The following BACH1 variants were observed in gnomAD, a reference collection of about 807,000 sequenced individuals.
BACH1 encodes BTB domain and CNC homolog 1.
Under a neutral mutation model 52.9 loss-of-function variants are expected in BACH1, and 35 were observed. The observed-to-expected ratio is 0.66, with a 90% confidence interval of 0.51 to 0.88. The LOEUF (loss-of-function observed/expected upper bound fraction) is 0.88. Among genes scored for constraint, BACH1 ranks in the 40% least tolerant of loss-of-function variants. The probability of loss-of-function intolerance (pLI) is 0.00; values close to 1 mark genes in which losing one functional copy is unlikely to be tolerated. For synonymous variants in BACH1, 321 were observed against 319.6 expected (o/e 1.00, Z -0.05); for missense variants, 808 against 872.6 (o/e 0.93, Z 0.93).
At chr21:29,334,150 G>A (rs529738355) in intron 4 of BACH1, among the ~76,000 whole-genome samples, 106 of 151,240 alleles carry the variant, frequency 7.0e-4, no homozygotes, top group Admixed American at 9.2e-4. Context: ...TTTTCGCCCA[G>A]GCTGGAGGTC....
intron 2 of BACH1, among the ~76,000 whole-genome samples, chr21:29,323,020 T>C (rs2088866822): frequency 1.4e-5 from 1 of 72,186 alleles, no homozygotes; most frequent in African/African-American, 1.1e-4. Flanking sequence ...CATTCATTCA[T>C]TCTTTCTAAT....
At chr21:29,328,929 C>T (rs764677466) in intron 3 of BACH1, among the ~76,000 whole-genome samples, 8 of 152,166 alleles carry the variant, frequency 5.3e-5, no homozygotes, top group Non-Finnish European at 8.8e-5. Flanking sequence ...ATATACACCA[C>T]GTTTTCTTTA....
At chr21:29,338,016 C>T (rs961495395) in intron 4 of BACH1, among the ~76,000 whole-genome samples, 2 of 152,054 alleles carry the variant, frequency 1.3e-5, no homozygotes, top group African/African-American at 4.8e-5. Flanking sequence ...ACATATGTAA[C>T]AAACCTGCAC....
intron 1 of BACH1, among the ~76,000 whole-genome samples, chr21:29,309,856 C>T (rs1423589892): frequency 3.9e-5 from 6 of 152,050 alleles, no homozygotes; most frequent in Admixed American, 3.9e-4. Flanking sequence ...GTGTTTAACA[C>T]TTCATATTTT....
chr21:29,326,030 G>A lies in BACH1; in HGVS notation c.235-29G>A, dbSNP rs1293686929. 4.5e-6 allele frequency: 7 copies of A among 1,561,546 alleles called. No homozygotes were observed. The South Asian group carries it at 7.3e-5, about 16-fold the overall frequency. On this transcript the variant is annotated intron_variant, in intron 2 of 4. Transcript: ENST00000286800. The stretch of plus-strand genomic sequence containing the variant: ...ATGTACTAGACAGCTTTCAAATGAT[G>A]TGTTTGTTTTTATTTTGTGTATCAA...
intron 2 of BACH1, chr21:29,352,535 A>G (rs1376836564): frequency 1.3e-5 from 2 of 151,952 alleles, no homozygotes; most frequent in African/African-American, 2.4e-5. Context: ...ATTCAAATCA[A>G]TTCACCGCAT....
At chr21:29,357,984 G>A (rs1301270372) in intron 2 of BACH1, among the ~76,000 whole-genome samples, 2 of 152,208 alleles carry the variant, frequency 1.3e-5, no homozygotes, top group East Asian at 1.9e-4. Context: ...GTCCCCACAC[G>A]CCCTGAGAGC....
At chr21:29,348,123 T>C (rs1007907713), downstream of BACH1, among the ~76,000 whole-genome samples, 1 of 152,186 alleles carries the variant, frequency 6.6e-6, no homozygotes, top group African/African-American at 2.4e-5. Context: ...CCCAAGACTA[T>C]CCTGCCAGAT....
chr21:29,316,283 C>T (rs1045023071), intron 1 of BACH1, among the ~76,000 whole-genome samples: 7 of 152,052 alleles, frequency 4.6e-5, no homozygotes, highest in Non-Finnish European at 1.0e-4. Context: ...CAAGTAGTAA[C>T]TATATCAAAA....
In BACH1 at chr21:29,329,522, A is replaced by C; in HGVS notation, c.1605A>C (p.Ser535=). The C allele has an allele frequency of 6.3e-7, 1 of 1,597,468 alleles. No homozygotes were observed. Among genetic ancestry groups the C allele is most frequent in the East Asian group, 2.2e-5 (1 of 44,542 alleles). ...KLPFNAQRII[S]LSRNDFQSLL... Reference sequence around the variant, plus strand: ...CATTCAATGCACAACGGATAATTTCACTGTCTCGAAATGATTTTCAGTCCT... The same window carrying C: ...CATTCAATGCACAACGGATAATTTCCCTGTCTCGAAATGATTTTCAGTCCT... Residue 535 remains serine, a synonymous_variant, in exon 4 of 5, where the codon TCA becomes TCC. Transcript: ENST00000286800.
chr21:29,355,497 G>T (rs1212103162), intron 2 of BACH1, among the ~76,000 whole-genome samples: 1 of 152,232 alleles, frequency 6.6e-6, no homozygotes, highest in Non-Finnish European at 1.5e-5. Flanking sequence ...CCCAACTGCT[G>T]CTGGGAATTG....
chr21:29,342,953 A>T lies in BACH1; in HGVS notation c.*120A>T, dbSNP rs960692903. 67 of 1,021,856 alleles carry T rather than the reference A, an allele frequency of 6.6e-5. No individual in the cohort carries two copies. In the Middle Eastern group the frequency reaches 9.2e-4, roughly 14 times the overall value. 63.3% of individuals were successfully genotyped at this position (1,021,856 alleles called of 1,614,324 possible). ...TGTTTTTTTCCTTTAGTAGTTTACC[A>T]TAAGGGAATTTCCTTTAAGTCAACC... On this transcript the variant is annotated 3_prime_UTR_variant, in exon 5 of 5. Transcript: ENST00000286800.
intron 4 of BACH1, among the ~76,000 whole-genome samples, chr21:29,330,607 T>C (rs921732241): frequency 6.6e-6 from 1 of 152,186 alleles, no homozygotes; most frequent in Admixed American, 6.5e-5. Context: ...ACAGGCCAGC[T>C]AAAGCTAAGA....
chr21:29,307,103 A>G (rs1473280446), intron 1 of BACH1, among the ~76,000 whole-genome samples: 2 of 152,202 alleles, frequency 1.3e-5, no homozygotes, highest in Non-Finnish European at 2.9e-5. Flanking sequence ...TGCTGAGGCC[A>G]GCCTGGCTCA....
chr21:29,334,446 A>T (rs1384662890), intron 4 of BACH1, among the ~76,000 whole-genome samples: 1 of 152,170 alleles, frequency 6.6e-6, no homozygotes, highest in Non-Finnish European at 1.5e-5. Flanking sequence ...GCTTCTGTTC[A>T]GTGTTTAACT....
At chr21:29,330,620 T>C (rs1049095045) in intron 4 of BACH1, among the ~76,000 whole-genome samples, 7 of 152,114 alleles carry the variant, frequency 4.6e-5, no homozygotes, top group African/African-American at 7.2e-5. Context: ...AGCTAAGATA[T>C]GGTAAAAGAT....
rs141667940 is a variant in BACH1, at chr21:29,336,210, A to G, written c.1777-6189A>G. 7.2e-5 allele frequency among the ~76,000 whole-genome samples: 11 copies of G among 152,316 alleles called. 1 individual carries two copies. The East Asian group carries it at 2.1e-3, about 29-fold the overall frequency. The stretch of plus-strand genomic sequence containing the variant: ...TTGAAGTATCCAGGCTGGATTTCTC[A>G]TAAATGTCTTACTTTAAGTTATTTG... On this transcript the variant is annotated intron_variant, in intron 4 of 4. Coordinates refer to ENST00000286800, the MANE Select transcript of BACH1 (RefSeq NM_001186.4).
intron 1 of BACH1, among the ~76,000 whole-genome samples, chr21:29,308,339 G>A (rs116700041): frequency 0.021 from 3,235 of 152,300 alleles, 99 homozygotes; most frequent in African/African-American, 0.073. Context: ...TTAGGGATTA[G>A]TGGATTAGGT....
chr21:29,338,327 A>C (rs1278243461), intron 4 of BACH1, among the ~76,000 whole-genome samples: 3 of 152,206 alleles, frequency 2.0e-5, no homozygotes, highest in Non-Finnish European at 4.4e-5. Context: ...TATTTGTGTT[A>C]CCAATTTGGC....
Sources: allele counts gnomAD v4.1 joint callset (sites outside exome capture counted in the v4.1 genomes callset), GRCh38; gene constraint gnomAD v4.1.1; transcripts MANE v1.5; gene names NCBI Gene and HGNC (gene_info 2026-07-23, HGNC 2026-07-21).